AP5Z1: variants seen among roughly 807,000 people sequenced by gnomAD.
AP5Z1 encodes the protein AP-5 complex subunit zeta-1.
In AP5Z1, 106 loss-of-function variants were observed where a neutral mutation model predicts 83.0. The observed-to-expected ratio is 1.28, with a 90% CI of 1.09 to 1.50. The LOEUF (loss-of-function observed/expected upper bound fraction) is 1.50, where lower values mean the gene tolerates loss of function less well. Among genes scored for constraint, AP5Z1 ranks in the 40% most tolerant of loss-of-function variants. The probability of loss-of-function intolerance (pLI) is 0.00; values close to 1 mark genes in which losing one functional copy is unlikely to be tolerated. For missense variants in AP5Z1, 1,565 were observed against 1,094.2 expected, an observed-to-expected ratio of 1.43 and a Z score of -6.07; for synonymous variants, 751 against 514.1, an observed-to-expected ratio of 1.46 and a Z score of -6.23.
chr7:4,789,801 GCTGAGC>G (rs924427576), intron 13 of AP5Z1, 25 bp from the exon 14 acceptor site: 1 of 1,536,776 alleles, frequency 6.5e-7, no homozygotes, highest in Non-Finnish European at 8.8e-7. Flanking sequence ...TGGGGGTGGG[GCTGAGC>G]CTGTTTCCCA....
At chr7:4,790,201 C>T (rs780442063) in intron 14 of AP5Z1, 144 of 1,545,992 alleles carry the variant, frequency 9.3e-5, no homozygotes, top group Admixed American at 2.5e-4. Flanking sequence ...CCCTGGGGTC[C>T]TTCTCTCCAA....
chr7:4,783,623 C>T, intron 4 of AP5Z1, 66 bp from the exon 5 acceptor site: 2 of 1,511,314 alleles, frequency 1.3e-6, no homozygotes, highest in East Asian at 4.9e-5. Context: ...AGTCGGCCAG[C>T]ATCCCAACAA....
chr7:4,776,120 G>A (rs368002910), intron 1 of AP5Z1, among the ~76,000 whole-genome samples: 2 of 152,228 alleles, frequency 1.3e-5, no homozygotes, highest in South Asian at 4.1e-4. Flanking sequence ...CAAAGTCACA[G>A]TGTCCGGAGG....
chr7:4,791,047 C>A lies in AP5Z1; in HGVS notation c.2154-68C>A, dbSNP rs375486437. The A allele has an allele frequency of 7.5e-5, 112 of 1,489,060 alleles. No individual in the cohort carries two copies. The African/African-American group carries it at 1.4e-3, about 19-fold the overall frequency. The allele number at this position is 1,489,060 out of a possible 1,614,324, so 92.2% of individuals were successfully genotyped here. On this transcript the variant is annotated intron_variant, in intron 16 of 16. Transcript: ENST00000649063. ...CTCTGCTGGGCGCTTCAGGCCTGGC[C>A]CCTCCACACAGACCCCTGTCCTGGG...
rs985556927 is a variant in AP5Z1 at position 4,793,844 on chromosome 7, T to C, written c.*2459T>C. On this transcript the variant is annotated 3_prime_UTR_variant, in exon 17 of 17. Transcript: ENST00000649063. The stretch of plus-strand genomic sequence containing the variant: ...CACCTGCTCAGGGCACCCAGTCCCA[T>C]CGACCACCCAAGGGCTGAGGAGTGC... 5 of 153,472 alleles carry C rather than the reference T, an allele frequency of 3.3e-5. No homozygotes were observed. Among genetic ancestry groups the C allele is most frequent in the Admixed American group, 2.6e-4 (4 of 15,314 alleles). 9.5% of individuals were successfully genotyped at this position (153,472 alleles called of 1,614,324 possible). A position where few individuals can be genotyped will look rare whatever the true frequency, so the allele number is the denominator to read the frequency against.
At position 4,788,854 on chromosome 7, in the gene AP5Z1, A is replaced by C. The variant is rs1192843975; in HGVS notation, c.1610A>C (p.His537Pro). The C allele has an allele frequency of 1.2e-6, 2 of 1,607,540 alleles. No homozygotes were observed. Among genetic ancestry groups the C allele is most frequent in the East Asian group, 2.2e-5 (1 of 44,792 alleles). The change falls in exon 13 of 17, where the codon CAC becomes CCC. Residue 537 changes from histidine (H) to proline (P), a missense_variant. His to Pro is a moderately conservative substitution (Grantham distance 77). Coordinates refer to ENST00000649063, the MANE Select transcript of AP5Z1 (RefSeq NM_014855.3). ...SGATERLAPL[H>P]QLLQPMAGCA... ...TGTGTCCTCAGGTTGGCGCCACTCC[A>C]CCAGCTGCTGCAGCCCATGGCCGGC... is the stretch of plus-strand genomic sequence containing the variant.
At chr7:4,784,162 C>T (rs535817519) in intron 5 of AP5Z1, 41 bp from the exon 6 acceptor site, 42 of 1,541,040 alleles carry the variant, frequency 2.7e-5, no homozygotes, top group Non-Finnish European at 3.5e-5. Flanking sequence ...TTTTTCCCGG[C>T]CTCGGCCCCC....
chr7:4,787,648 C>A lies in AP5Z1; in HGVS notation c.1326C>A (p.Asn442Lys). ...TGTGCCCACAGTTCCTGGCCTGGAA[C>A]AGCCCACCCCTCACCTCCGAGTTTG... ...FPNLFKFLAW[N>K]SPPLTSEFVA... The change falls in exon 11 of 17, where the codon AAC (asparagine) becomes AAA (lysine). Residue 442 changes from asparagine (N) to lysine (K), a missense_variant. Asn to Lys is a moderately conservative substitution (Grantham distance 94). Transcript: ENST00000649063. 1 of 1,552,802 alleles carries A rather than the reference C, an allele frequency of 6.4e-7. No homozygotes were observed. Among genetic ancestry groups the A allele is most frequent in the Non-Finnish European group, 8.7e-7 (1 of 1,148,692 alleles).
At position 4,790,549 on chromosome 7, in the gene AP5Z1, C is replaced by G. The variant is rs369050593; in HGVS notation, c.1896C>G (p.Ser632Arg). 1 of 1,613,120 alleles carries G rather than the reference C, an allele frequency of 6.2e-7. No individual in the cohort carries two copies. Among genetic ancestry groups the G allele is most frequent in the Non-Finnish European group, 8.5e-7 (1 of 1,179,864 alleles). The change falls in exon 15 of 17, where the codon AGC becomes AGG. Residue 632 changes from serine (S) to arginine (R), a missense_variant. Ser to Arg is a moderately radical substitution (Grantham distance 110). Coordinates refer to ENST00000649063, the MANE Select transcript of AP5Z1 (RefSeq NM_014855.3). ...LARDLLEFLG[S>R]VNGLCSRASL... is the part of the protein sequence containing the mutation. ...GAGACCTGCTGGAGTTCCTGGGCAGCGTGAATGGTCTCTGCAGCAGGGCGA... is the reference window on the plus strand; with the variant it reads ...GAGACCTGCTGGAGTTCCTGGGCAGGGTGAATGGTCTCTGCAGCAGGGCGA...
At position 4,789,125 on chromosome 7, in the gene AP5Z1, G is replaced by A. The variant is rs372225524; in HGVS notation, c.1707+174G>A. On this transcript the variant is annotated intron_variant, in intron 13 of 16. Coordinates refer to ENST00000649063, the MANE Select transcript of AP5Z1 (RefSeq NM_014855.3). ...ACATGCCACAGCCCCGGCAGGCCCC[G>A]TCCCTTGTCCCATCCCCTTTATTCC... 939 of 583,646 alleles carry A rather than the reference G, an allele frequency of 1.6e-3. 3 individuals are homozygous for A. The highest frequency in any genetic ancestry group is 0.015 in the African/African-American group (794 of 52,812). 36.2% of individuals were successfully genotyped at this position (583,646 alleles called of 1,614,324 possible).
At position 4,793,343 on chromosome 7, in the gene AP5Z1, G is replaced by C. The variant is rs1431078835; in HGVS notation, c.*1958G>C. The C allele has an allele frequency of 1.3e-5, 2 of 152,306 alleles. No individual in the cohort carries two copies. Among genetic ancestry groups the C allele is most frequent in the Non-Finnish European group, 2.9e-5 (2 of 68,078 alleles). 9.4% of individuals were successfully genotyped at this position (152,306 alleles called of 1,614,324 possible). On this transcript the variant is annotated 3_prime_UTR_variant, in exon 17 of 17. Coordinates refer to ENST00000649063, the MANE Select transcript of AP5Z1 (RefSeq NM_014855.3). ...ACCTTAGAAACATTATATGCTAAGT[G>C]AAAGTGAGAAGTGACAGCCTGCTGG...
chr7:4,776,562 C>CAAAA (rs55916241), intron 1 of AP5Z1, among the ~76,000 whole-genome samples: 3 of 82,404 alleles, frequency 3.6e-5, no homozygotes, highest in Non-Finnish European at 5.9e-5. Flanking sequence ...ACTGAAAATA[C>CAAAA]AAAAAAAAAA....
intron 3 of AP5Z1, among the ~76,000 whole-genome samples, chr7:4,782,588 G>A (rs773462854): frequency 6.6e-6 from 1 of 152,060 alleles, no homozygotes; most frequent in East Asian, 1.9e-4. Flanking sequence ...TGTGGGCCCC[G>A]GCGTACTCAG....
intron 1 of AP5Z1, among the ~76,000 whole-genome samples, chr7:4,776,589 GC>G (rs1781235526): frequency 6.8e-6 from 1 of 146,934 alleles, no homozygotes; most frequent in Non-Finnish European, 1.5e-5. Context: ...AAAAAAATTA[GC>G]CGGGCGTGGT....
rs1236453095 is a variant in AP5Z1 at position 4,783,050 on chromosome 7, C to A, written c.367-266C>A. ...TCTGCGGCCAGGGCCATGGTGGCCG[C>A]CAGTGTGTTTTTAGCATTGAATCAG... On this transcript the variant is annotated intron_variant, in intron 3 of 16. Transcript: ENST00000649063. Among the ~76,000 whole-genome samples the A allele has an allele frequency of 3.3e-5, 5 of 152,210 alleles. No individual in the cohort carries two copies. In the East Asian group the frequency reaches 7.7e-4, roughly 24 times the overall value.
At chr7:4,790,046 GCAGCCTCAGACCCTGCCACCCCCACCCA>G in intron 14 of AP5Z1, 117 bp downstream of exon 14, 3 of 1,083,550 alleles carry the variant, frequency 2.8e-6, no homozygotes, top group South Asian at 1.9e-5. Flanking sequence ...TGGGCCCTCA[GCAGCCTCAGACCCTGCCACCCCCACCCA>G]CAGCCCCACA....
At position 4,781,217 on chromosome 7, in the gene AP5Z1, C is replaced by T. The variant is rs773228791; in HGVS notation, c.84C>T (p.Ile28=). The T allele has an allele frequency of 1.3e-5, 21 of 1,613,716 alleles. No homozygotes were observed. In the South Asian group the frequency reaches 2.2e-4, roughly 17 times the overall value. Residue 28 remains isoleucine (I), a synonymous_variant, in exon 2 of 17, where the codon ATC becomes ATT. Transcript: ENST00000649063. ...DEELKKFCSR[I]CKLLQAEDLG... ...AGCTGAAGAAGTTCTGTTCCCGGAT[C>T]TGTAAACTGCTGCAGGCGGAGGACT...
intron 14 of AP5Z1, 52 bp downstream of exon 14, chr7:4,789,981 T>TCCTCCCC: frequency 7.4e-7 from 1 of 1,350,368 alleles, no homozygotes. Flanking sequence ...CCTCCTGGAC[T>TCCTCCCC]CCTCCCCCTC....
intron 1 of AP5Z1, among the ~76,000 whole-genome samples, chr7:4,777,169 AT>A (rs1583223682): frequency 7.3e-6 from 1 of 136,262 alleles, no homozygotes; most frequent in East Asian, 2.2e-4. Flanking sequence ...CTGGACAGAT[AT>A]GTCATTCATG....
Sources: allele counts gnomAD v4.1 joint callset (sites outside exome capture counted in the v4.1 genomes callset), GRCh38; gene constraint gnomAD v4.1.1; transcripts MANE v1.5; gene names NCBI Gene and HGNC (gene_info 2026-07-23, HGNC 2026-07-21).